The following MCTP2 variants were observed in gnomAD, a reference collection of about 807,000 sequenced individuals.
MCTP2 encodes multiple C2 and transmembrane domain containing 2.
Under a neutral mutation model 111.6 loss-of-function variants are expected in MCTP2, and 132 were observed. That is an observed-to-expected ratio of 1.18 (90% CI 1.03 to 1.37). The LOEUF (loss-of-function observed/expected upper bound fraction) is 1.37. MCTP2 is among the 40% of genes most tolerant of loss of function. The pLI is 0.00. For missense variants in MCTP2, 1,183 were observed against 1,067.9 expected (o/e 1.11, Z -1.50); for synonymous variants, 395 against 387.7 (o/e 1.02, Z -0.22).
intron 1 of MCTP2, among the ~76,000 whole-genome samples, chr15:94,280,848 C>G (rs1259894281): frequency 6.6e-6 from 1 of 152,096 alleles, no homozygotes; most frequent in African/African-American, 2.4e-5. Flanking sequence ...ATTATTTACC[C>G]AAAAATCATT....
chr15:94,235,073 G>A (rs373111761), intron 1 of MCTP2, among the ~76,000 whole-genome samples: 6 of 152,078 alleles, frequency 3.9e-5, no homozygotes, highest in African/African-American at 7.2e-5. Flanking sequence ...CCAATATGGC[G>A]AAATCCCATC....
At chr15:94,441,834 T>C (rs1026684315) in intron 18 of MCTP2, among the ~76,000 whole-genome samples, 1 of 152,214 alleles carries the variant, frequency 6.6e-6, no homozygotes, top group African/African-American at 2.4e-5. Context: ...ACCTTCCTGT[T>C]TATCCATTGG....
intron 10 of MCTP2, among the ~76,000 whole-genome samples, chr15:94,363,413 G>A (rs2079037623): frequency 6.6e-6 from 1 of 152,104 alleles, no homozygotes; most frequent in African/African-American, 2.4e-5. Context: ...AAGAACAGCG[G>A]TCTAAGCTGA....
At chr15:94,414,999 G>C (rs2082310349) in intron 17 of MCTP2, among the ~76,000 whole-genome samples, 1 of 152,124 alleles carries the variant, frequency 6.6e-6, no homozygotes, top group Non-Finnish European at 1.5e-5. Context: ...AGTCCAGCCT[G>C]AGAGTCAGTG....
At position 94,324,167 on chromosome 15, in the gene MCTP2, A is replaced by T. The variant is rs141456079; in HGVS notation, c.637+8530A>T. ...ATGGGAAGGAATGTGGCCGAGGAGGAGGTGTTCTGGCGTCTTAGAGCTGGT... is the reference window on the plus strand; with the variant it reads ...ATGGGAAGGAATGTGGCCGAGGAGGTGGTGTTCTGGCGTCTTAGAGCTGGT... On this transcript the variant is annotated intron_variant, in intron 4 of 22. Coordinates refer to ENST00000357742, the MANE Select transcript of MCTP2 (RefSeq NM_001385001.1). Among the ~76,000 whole-genome samples, 547 of 152,262 alleles carry T rather than the reference A, an allele frequency of 3.6e-3. 3 individuals carry two copies. The highest frequency in any genetic ancestry group is 5.9e-3 in the Non-Finnish European group (403 of 68,022).
intron 17 of MCTP2, among the ~76,000 whole-genome samples, chr15:94,420,387 A>G (rs1001581367): frequency 1.3e-5 from 2 of 152,152 alleles, no homozygotes; most frequent in African/African-American, 4.8e-5. Flanking sequence ...AAAGAAATAT[A>G]TTTTGTAAAA....
At chr15:94,385,174 C>T (rs1268678402) in intron 13 of MCTP2, among the ~76,000 whole-genome samples, 3 of 152,164 alleles carry the variant, frequency 2.0e-5, no homozygotes, top group African/African-American at 4.8e-5. Context: ...CCCTTGAGTG[C>T]AGGTATACTG....
chr15:94,244,753 C>A (rs28973042), intron 1 of MCTP2, among the ~76,000 whole-genome samples: 2 of 146,318 alleles, frequency 1.4e-5, no homozygotes, highest in Admixed American at 1.3e-4. Flanking sequence ...TACATATGCA[C>A]CTATGTTTAT....
chr15:94,351,193 T>C (rs1340489706), intron 8 of MCTP2, among the ~76,000 whole-genome samples: 7 of 152,214 alleles, frequency 4.6e-5, no homozygotes, highest in Admixed American at 4.6e-4. Flanking sequence ...AAAGGTTTTC[T>C]TTTTATTCTC....
At chr15:94,444,960 A>T (rs2084034589) in intron 19 of MCTP2, among the ~76,000 whole-genome samples, 1 of 152,188 alleles carries the variant, frequency 6.6e-6, no homozygotes, top group African/African-American at 2.4e-5. Flanking sequence ...GAATGGAAAC[A>T]TGGTATTCAG....
intron 17 of MCTP2, among the ~76,000 whole-genome samples, chr15:94,405,422 C>T (rs116070237): frequency 0.016 from 2,420 of 152,240 alleles, 67 homozygotes; most frequent in African/African-American, 0.055. Context: ...TGAACATAAT[C>T]GTATCTTGTT....
intron 1 of MCTP2, among the ~76,000 whole-genome samples, chr15:94,245,424 GTATA>G (rs1213955167): frequency 1.2e-5 from 1 of 82,464 alleles, no homozygotes; most frequent in East Asian, 2.7e-4. Flanking sequence ...ATACATGTGT[GTATA>G]TATTTATATA....
At chr15:94,422,447 C>A (rs909477485) in intron 17 of MCTP2, among the ~76,000 whole-genome samples, 1 of 152,200 alleles carries the variant, frequency 6.6e-6, no homozygotes, top group African/African-American at 2.4e-5. Context: ...ATCTTGTATT[C>A]TCTGTAAAAC....
intron 10 of MCTP2, among the ~76,000 whole-genome samples, chr15:94,359,129 T>C (rs546635564): frequency 6.6e-6 from 1 of 152,316 alleles, no homozygotes; most frequent in African/African-American, 2.4e-5. Flanking sequence ...ATCAATATTA[T>C]TGCTTCTTCC....
intron 1 of MCTP2, among the ~76,000 whole-genome samples, chr15:94,262,639 A>G (rs1384166388): frequency 4.0e-5 from 6 of 151,098 alleles, no homozygotes. Context: ...ATAACTCTCT[A>G]TGGAAAAACC....
intron 17 of MCTP2, chr15:94,402,639 GA>G: frequency 6.5e-7 from 1 of 1,544,962 alleles, no homozygotes; most frequent in Non-Finnish European, 8.7e-7. Context: ...AAGAATCTTG[GA>G]AGGACTTCAC....
chr15:94,410,606 G>T (rs1243066683), intron 17 of MCTP2, among the ~76,000 whole-genome samples: 3 of 152,134 alleles, frequency 2.0e-5, no homozygotes, highest in Non-Finnish European at 4.4e-5. Context: ...TTAATGTCAT[G>T]TGTTATATAG....
intron 11 of MCTP2, among the ~76,000 whole-genome samples, 160 bp downstream of exon 11, chr15:94,367,951 G>T (rs1360713749): frequency 3.9e-5 from 6 of 152,178 alleles, no homozygotes; most frequent in East Asian, 3.9e-4. Context: ...AGACTTAGGG[G>T]TTAATGCATT....
chr15:94,339,336 G>T lies in MCTP2; in HGVS notation c.684G>T (p.Leu228=). 2 of 1,611,250 alleles carry T rather than the reference G, an allele frequency of 1.2e-6. No individual in the cohort carries two copies. The highest frequency in any genetic ancestry group is 1.7e-6 in the Non-Finnish European group (2 of 1,178,202). Residue 228 remains leucine (L), a synonymous_variant, in exon 5 of 23, where the codon CTG becomes CTT. Transcript: ENST00000357742. ...YVKFKLNGKT[L]YKSKVIYKNL... ...AATTTAAGCTGAATGGGAAGACGCTGTACAAAAGTAAAGTCATATATAAGA... is the reference window on the plus strand; with the variant it reads ...AATTTAAGCTGAATGGGAAGACGCTTTACAAAAGTAAAGTCATATATAAGA...
Sources: allele counts gnomAD v4.1 joint callset (sites outside exome capture counted in the v4.1 genomes callset), GRCh38; gene constraint gnomAD v4.1.1; transcripts MANE v1.5; gene names NCBI Gene and HGNC (gene_info 2026-07-23, HGNC 2026-07-21).